Variants in NRXN1 observed in about 807,000 individuals in gnomAD.
NRXN1 encodes the protein neurexin-1.
A neutral mutation model predicts 150.9 loss-of-function variants in NRXN1; 39 were observed. The observed-to-expected ratio is 0.26, with a 90% CI of 0.20 to 0.34. The LOEUF (loss-of-function observed/expected upper bound fraction) is 0.34. NRXN1 is among the 10% of genes least tolerant of loss of function. NRXN1 has a pLI of 1.00. For synonymous variants in NRXN1, 924 were observed against 757.0 expected (o/e 1.22, Z -3.62); for missense variants, 1,815 against 1,949.9 (o/e 0.93, Z 1.30).
chr2:50,543,798 A>C (rs1427288601), intron 9 of NRXN1, among the ~76,000 whole-genome samples: 3 of 152,156 alleles, frequency 2.0e-5, no homozygotes, highest in African/African-American at 7.2e-5. Context: ...CACAGAGTGA[A>C]GGTGAGATTT....
chr2:50,697,703 C>G (rs554581995), intron 5 of NRXN1, among the ~76,000 whole-genome samples: 45 of 152,292 alleles, frequency 3.0e-4, no homozygotes, highest in Non-Finnish European at 4.7e-4. Flanking sequence ...TTCAAATCCT[C>G]AAATAATATT....
chr2:50,601,373 A>C (rs1193737304), intron 8 of NRXN1, among the ~76,000 whole-genome samples: 4 of 152,202 alleles, frequency 2.6e-5, no homozygotes. Flanking sequence ...TTCTTCAAGT[A>C]GTATAATACG....
intron 2 of NRXN1, among the ~76,000 whole-genome samples, chr2:50,954,705 C>A (rs1691979236): frequency 6.6e-6 from 1 of 152,148 alleles, no homozygotes; most frequent in Non-Finnish European, 1.5e-5. Flanking sequence ...GCCTGGCATG[C>A]AAAGCTTACT....
intron 17 of NRXN1, among the ~76,000 whole-genome samples, chr2:50,446,965 A>T (rs953964282): frequency 5.3e-5 from 8 of 152,116 alleles, no homozygotes; most frequent in Non-Finnish European, 1.2e-4. Flanking sequence ...ATACCATGCA[A>T]TTCAGGTAAT....
At chr2:50,279,123 T>C (rs1687963551) in intron 17 of NRXN1, among the ~76,000 whole-genome samples, 3 of 152,196 alleles carry the variant, frequency 2.0e-5, no homozygotes, top group Non-Finnish European at 4.4e-5. Flanking sequence ...CTTCAAATCA[T>C]TGGCCTGTAC....
At chr2:50,790,340 A>T (rs62140599) in intron 5 of NRXN1, among the ~76,000 whole-genome samples, 23,723 of 152,180 alleles carry the variant, frequency 0.16, 2,340 homozygotes, top group Middle Eastern at 0.22. Flanking sequence ...GAGATAGATG[A>T]CCATCTCTTA....
intron 17 of NRXN1, among the ~76,000 whole-genome samples, chr2:50,353,639 T>C (rs1235774454): frequency 1.3e-5 from 2 of 152,156 alleles, no homozygotes; most frequent in Non-Finnish European, 2.9e-5. Flanking sequence ...TATTATTCTT[T>C]ATTCATGTGT....
At chr2:50,692,720 G>A (rs970179680) in intron 5 of NRXN1, among the ~76,000 whole-genome samples, 2 of 151,670 alleles carry the variant, frequency 1.3e-5, no homozygotes, top group African/African-American at 4.8e-5. Context: ...TTTTCCCCTT[G>A]GGTAGTATGA....
chr2:50,865,773 A>G (rs1367624231), intron 5 of NRXN1, among the ~76,000 whole-genome samples: 4 of 142,220 alleles, frequency 2.8e-5, no homozygotes, highest in Admixed American at 1.5e-4. Flanking sequence ...ATGTACATAC[A>G]TCTACTATTA....
chr2:50,039,197 A>C (rs1274264613), intron 21 of NRXN1, among the ~76,000 whole-genome samples: 1 of 151,864 alleles, frequency 6.6e-6, no homozygotes, highest in African/African-American at 2.4e-5. Context: ...ACAGACAAAC[A>C]AAAACAAAGA....
chr2:50,660,197 T>C (rs1338682176), intron 5 of NRXN1, among the ~76,000 whole-genome samples: 1 of 152,058 alleles, frequency 6.6e-6, no homozygotes, highest in African/African-American at 2.4e-5. Flanking sequence ...TTCTTTGTGG[T>C]AACTTTCAAC....
intron 9 of NRXN1, among the ~76,000 whole-genome samples, chr2:50,542,612 G>T (rs186821514): frequency 6.6e-6 from 1 of 152,262 alleles, no homozygotes; most frequent in African/African-American, 2.4e-5. Context: ...AGAAAGTAAA[G>T]AATTTAGTTC....
intron 3 of NRXN1, among the ~76,000 whole-genome samples, chr2:50,925,178 T>G (rs958722259): frequency 1.3e-5 from 2 of 151,808 alleles, no homozygotes; most frequent in Non-Finnish European, 2.9e-5. Context: ...ATGTTAACAC[T>G]TTGAAGATTT....
intron 5 of NRXN1, among the ~76,000 whole-genome samples, chr2:50,708,441 T>C (rs1396367606): frequency 1.3e-5 from 2 of 152,162 alleles, no homozygotes; most frequent in East Asian, 3.8e-4. Flanking sequence ...TGTAATAAGA[T>C]TTGTTGTTGC....
chr2:50,606,954 A>G (rs1362894985), intron 8 of NRXN1, among the ~76,000 whole-genome samples: 1 of 152,130 alleles, frequency 6.6e-6, no homozygotes, highest in Non-Finnish European at 1.5e-5. Context: ...AAGACTGCAA[A>G]TGAAGTGAAA....
chr2:50,440,068 G>A (rs1030423993), intron 17 of NRXN1, among the ~76,000 whole-genome samples: 2 of 152,142 alleles, frequency 1.3e-5, no homozygotes, highest in Non-Finnish European at 2.9e-5. Flanking sequence ...AAGATTTACG[G>A]ACACTTCAAC....
Position 50,054,666 on chromosome 2 carries a change from T to G in NRXN1, c.3808+289A>C, listed in dbSNP as rs150937948. Among the ~76,000 whole-genome samples, 631 of 152,318 alleles carry G rather than the reference T, an allele frequency of 4.1e-3. 4 individuals carry two copies. The highest frequency in any genetic ancestry group is 6.8e-3 in the Non-Finnish European group (460 of 68,030). The stretch of plus-strand genomic sequence containing the variant: ...TGAATGATTTATCATTTTGGGTTAA[T>G]GCTTGCTGTGAGTACCCTCATAGAT... On this transcript the variant is annotated intron_variant, in intron 20 of 22. Coordinates refer to ENST00000401669, the MANE Select transcript of NRXN1 (RefSeq NM_001330078.2).
At chr2:50,427,437 T>C (rs904038446) in intron 17 of NRXN1, among the ~76,000 whole-genome samples, 2 of 151,632 alleles carry the variant, frequency 1.3e-5, no homozygotes, top group Non-Finnish European at 1.5e-5. Context: ...TATCTGGAAA[T>C]GGCAGAAATG....
At chr2:49,986,643 G>A (rs887220869) in intron 21 of NRXN1, among the ~76,000 whole-genome samples, 2 of 152,180 alleles carry the variant, frequency 1.3e-5, no homozygotes, top group South Asian at 4.1e-4. Flanking sequence ...GAGATACAGA[G>A]TGATATTTTG....
Sources: allele counts gnomAD v4.1 joint callset (sites outside exome capture counted in the v4.1 genomes callset), GRCh38; gene constraint gnomAD v4.1.1; transcripts MANE v1.5; gene names NCBI Gene and HGNC (gene_info 2026-07-23, HGNC 2026-07-21).